The following CP variants were observed in gnomAD, a reference collection of about 807,000 sequenced individuals.
CP encodes the protein caeruloplasmin.
Under a neutral mutation model 122.4 loss-of-function variants are expected in CP, and 64 were observed. The ratio of observed to expected loss-of-function variants is 0.52; its 90% CI spans 0.43 to 0.64. The LOEUF (loss-of-function observed/expected upper bound fraction) is 0.64. Among genes scored for constraint, CP ranks in the 30% least tolerant of loss-of-function variants. The pLI, the probability that CP is intolerant of heterozygous loss-of-function variation, is 0.00. For missense variants in CP, 1,167 were observed against 1,284.4 expected, an observed-to-expected ratio of 0.91 and a Z score of 1.40; for synonymous variants, 440 against 436.4, an observed-to-expected ratio of 1.01 and a Z score of -0.10.
At chr3:149,164,027 G>T (rs564527190) in intron 5 of CP, 2 of 754,782 alleles carry the variant, frequency 2.6e-6, no homozygotes, top group South Asian at 3.0e-5. Flanking sequence ...GAGACCCCAG[G>T]TGTCCTGTTA....
Position 149,182,109 on chromosome 3 carries a change from C to T in CP, c.2450G>A (p.Gly817Glu), listed in dbSNP as rs747629463. The T allele has an allele frequency of 1.9e-6, 3 of 1,612,242 alleles. No individual in the cohort carries two copies. Among genetic ancestry groups the T allele is most frequent in the Non-Finnish European group, 2.5e-6 (3 of 1,179,186 alleles). The change falls in exon 14 of 19, where the codon GGA (glycine) becomes GAA (glutamate). Residue 817 changes from glycine (G) to glutamate (E), a missense_variant. Physicochemically the swap from Gly to Glu is moderately conservative, Grantham distance 98. This residue lies in a region of CP where 525 missense variants were observed against 657.2 expected (regional missense o/e 0.80). Coordinates refer to ENST00000264613, the MANE Select transcript of CP (RefSeq NM_000096.4). ...ILGPQLHADV[G>E]DKVKIIFKNM... ...TTTAAAGATAATTTTGACTTTGTCT[C>T]CAACATCTGCATGAAGTTGTGGACC... is the stretch of plus-strand genomic sequence containing the variant.
intron 9 of CP, among the ~76,000 whole-genome samples, chr3:149,193,446 T>C (rs1252804826): frequency 6.6e-6 from 1 of 152,174 alleles, no homozygotes; most frequent in African/African-American, 2.4e-5. Flanking sequence ...TTTAATGATA[T>C]AGAAGGATAA....
chr3:149,179,559 A>T lies in CP; in HGVS notation c.2658T>A (p.Val886=). The T allele has an allele frequency of 1.9e-6, 3 of 1,609,434 alleles. No homozygotes were observed. The highest frequency in any genetic ancestry group is 2.6e-6 in the Non-Finnish European group (3 of 1,175,868). The change falls in exon 15 of 19, where the codon GTT becomes GTA. Residue 886 remains valine (V), a synonymous_variant. Coordinates refer to ENST00000264613, the MANE Select transcript of CP (RefSeq NM_000096.4). ...PWAYYSTVDQ[V]KDLYSGLIGP... is the part of the protein sequence containing the mutation. ...AAACAAATGATTTGTATTTTACCTT[A>T]ACTTGATCCACAGTTGAATAATAAG...
At chr3:149,202,500 C>T (rs35288810) in intron 6 of CP, among the ~76,000 whole-genome samples, 9 of 152,080 alleles carry the variant, frequency 5.9e-5, no homozygotes, top group Non-Finnish European at 1.0e-4. Context: ...CAGAAGGGCC[C>T]CTTCAACCCC....
intron 2 of CP, among the ~76,000 whole-genome samples, chr3:149,212,068 C>CAGACCAGG (rs1553763759): frequency 6.6e-6 from 1 of 151,714 alleles, no homozygotes; most frequent in African/African-American, 2.4e-5. Flanking sequence ...CTGAGGCGGG[C>CAGACCAGG]AGATCAGGAG....
chr3:149,211,258 A>C (rs1728081264), intron 2 of CP, among the ~76,000 whole-genome samples: 2 of 152,186 alleles, frequency 1.3e-5, no homozygotes, highest in African/African-American at 4.8e-5. Flanking sequence ...ATTTCAATGA[A>C]CTGTAGCATG....
At chr3:149,168,063 T>C (rs1053601200), downstream of CP, 2 of 898,412 alleles carry the variant, frequency 2.2e-6, no homozygotes, top group Non-Finnish European at 3.7e-6. Context: ...AGTATTTTCA[T>C]GTGATTCTCA....
intron 1 of CP, 27 bp downstream of exon 1, chr3:149,221,620 C>T: frequency 6.2e-7 from 1 of 1,603,216 alleles, no homozygotes; most frequent in Non-Finnish European, 8.5e-7. Context: ...AAATTTTGGT[C>T]TATAAACAAT....
At chr3:149,181,922 G>C in intron 14 of CP, 83 bp downstream of exon 14, 1 of 1,475,912 alleles carries the variant, frequency 6.8e-7, no homozygotes, top group South Asian at 1.1e-5. Context: ...TCTTGGTCCA[G>C]ACTCTCTATG....
chr3:149,163,858 A>G, intron 5 of CP: 1 of 1,559,094 alleles, frequency 6.4e-7, no homozygotes. Flanking sequence ...GCCTGTAGTC[A>G]TTATGGCTTA....
At chr3:149,164,739 C>A (rs1724233712) in intron 5 of CP, among the ~76,000 whole-genome samples, 1 of 152,208 alleles carries the variant, frequency 6.6e-6, no homozygotes, top group African/African-American at 2.4e-5. Flanking sequence ...AGGGTTGGGG[C>A]TGACCCGCAG....
At chr3:149,168,110 C>CTG, downstream of CP, 1 of 670,740 alleles carries the variant, frequency 1.5e-6, no homozygotes, top group South Asian at 1.7e-5. Context: ...ATCTGGGGAG[C>CTG]TTATTTTCAG....
At chr3:149,195,193 C>G (rs894453424) in intron 9 of CP, among the ~76,000 whole-genome samples, 1 of 152,178 alleles carries the variant, frequency 6.6e-6, no homozygotes, top group Non-Finnish European at 1.5e-5. Flanking sequence ...TGTAATAACG[C>G]TGTGGAAACA....
intron 2 of CP, among the ~76,000 whole-genome samples, chr3:149,211,563 G>T (rs1728101163): frequency 6.6e-6 from 1 of 152,132 alleles, no homozygotes; most frequent in East Asian, 1.9e-4. Context: ...TATTTTCAAG[G>T]CTTCCAAGTC....
intron 7 of CP, 67 bp from the exon 8 acceptor site, chr3:149,199,931 T>C: frequency 6.6e-7 from 1 of 1,519,462 alleles, no homozygotes; most frequent in Non-Finnish European, 9.1e-7. Context: ...AAGATAGTTA[T>C]CTTCTTTGAC....
chr3:149,169,937 T>C (rs114675469), downstream of CP, among the ~76,000 whole-genome samples: 1,682 of 152,334 alleles, frequency 0.011, 31 homozygotes, highest in African/African-American at 0.038. Context: ...CATTTAGATA[T>C]ATCATTTATA....
intron 9 of CP, among the ~76,000 whole-genome samples, chr3:149,189,954 T>C (rs1398364724): frequency 6.6e-6 from 1 of 152,154 alleles, no homozygotes; most frequent in Non-Finnish European, 1.5e-5. Context: ...GTGAGCATGC[T>C]GTAAAGAAAA....
chr3:149,167,532 C>CAAAAA (rs1724548638), downstream of CP, among the ~76,000 whole-genome samples: 1 of 152,104 alleles, frequency 6.6e-6, no homozygotes, highest in Admixed American at 6.5e-5. Flanking sequence ...TTTTCTCTGC[C>CAAAAA]ATACGGTTTT....
chr3:149,204,449 G>T (rs1727563155), intron 6 of CP, among the ~76,000 whole-genome samples: 1 of 152,168 alleles, frequency 6.6e-6, no homozygotes, highest in Non-Finnish European at 1.5e-5. Context: ...AGAGGAGTTT[G>T]AATAGCCTCA....
Sources: allele counts gnomAD v4.1 joint callset (sites outside exome capture counted in the v4.1 genomes callset), GRCh38; gene constraint gnomAD v4.1.1; regional missense constraint gnomAD v4.1.1; transcripts MANE v1.5; gene names NCBI Gene and HGNC (gene_info 2026-07-23, HGNC 2026-07-21).